The following REEP1 variants were observed in gnomAD, a reference collection of about 807,000 sequenced individuals.
REEP1 encodes receptor accessory protein 1, also known as receptor expression-enhancing protein 1.
In REEP1, 22 loss-of-function variants were observed where a neutral mutation model predicts 40.3. The ratio of observed to expected loss-of-function variants is 0.55; its 90% CI spans 0.39 to 0.78. The LOEUF (loss-of-function observed/expected upper bound fraction) is 0.78. REEP1 is among the 30% of genes least tolerant of loss of function. The pLI, the probability that REEP1 is intolerant of heterozygous loss-of-function variation, is 0.00. For missense variants in REEP1, 280 were observed against 361.1 expected, an observed-to-expected ratio of 0.78 and a Z score of 1.82; for synonymous variants, 116 against 139.2, an observed-to-expected ratio of 0.83 and a Z score of 1.17.
At chr2:86,333,737 T>G (rs1680877498) in intron 1 of REEP1, among the ~76,000 whole-genome samples, 1 of 152,216 alleles carries the variant, frequency 6.6e-6, no homozygotes, top group African/African-American at 2.4e-5. Flanking sequence ...AGTTTGAAAT[T>G]CATTCATGCC....
intron 6 of REEP1, among the ~76,000 whole-genome samples, chr2:86,230,436 A>G (rs1674947922): frequency 6.6e-6 from 1 of 152,182 alleles, no homozygotes; most frequent in Non-Finnish European, 1.5e-5. Flanking sequence ...CTAAAATGGC[A>G]ACACAGACTC....
At chr2:86,251,526 C>T in intron 5 of REEP1, 1 of 260,242 alleles carries the variant, frequency 3.8e-6, no homozygotes, top group Non-Finnish European at 7.5e-6. Context: ...GTAGTCTCTC[C>T]ACCTGTCCAC....
intron 1 of REEP1, among the ~76,000 whole-genome samples, chr2:86,290,153 C>A (rs192420916): frequency 7.9e-5 from 12 of 152,092 alleles, no homozygotes; most frequent in African/African-American, 2.9e-4. Flanking sequence ...TGCACCACCA[C>A]GCCCAGCTGA....
intron 1 of REEP1, among the ~76,000 whole-genome samples, chr2:86,286,247 G>A (rs1424879178): frequency 3.3e-5 from 5 of 152,194 alleles, no homozygotes; most frequent in African/African-American, 1.2e-4. Flanking sequence ...CTGATGCAGT[G>A]GTTCCCCACT....
intron 1 of REEP1, among the ~76,000 whole-genome samples, chr2:86,331,411 A>G (rs1680754671): frequency 6.6e-6 from 1 of 152,220 alleles, no homozygotes; most frequent in African/African-American, 2.4e-5. Flanking sequence ...CTAGTTTTGC[A>G]GCCCAAAGTA....
At chr2:86,320,359 C>T (rs563804941) in intron 1 of REEP1, among the ~76,000 whole-genome samples, 1 of 152,252 alleles carries the variant, frequency 6.6e-6, no homozygotes, top group African/African-American at 2.4e-5. Context: ...CCCTAGACAC[C>T]TAACCGAAGC....
intron 1 of REEP1, among the ~76,000 whole-genome samples, chr2:86,282,868 C>G (rs1678173845): frequency 6.6e-6 from 1 of 152,168 alleles, no homozygotes; most frequent in African/African-American, 2.4e-5. Context: ...TGCGTTGGGT[C>G]ACTAAATGAT....
At chr2:86,267,047 A>C (rs866476648) in intron 2 of REEP1, among the ~76,000 whole-genome samples, 2 of 151,374 alleles carry the variant, frequency 1.3e-5, no homozygotes, top group South Asian at 2.1e-4. Context: ...AAACTAAAAA[A>C]TTTACTGGGA....
chr2:86,313,186 T>C lies in REEP1; in HGVS notation c.32+24293A>G, dbSNP rs555758318. Among the ~76,000 whole-genome samples the C allele has an allele frequency of 2.7e-4, 41 of 152,196 alleles. 1 individual carries two copies. The highest frequency in any genetic ancestry group is 9.9e-4 in the African/African-American group (41 of 41,526). On this transcript the variant is annotated intron_variant, in intron 1 of 8. Coordinates refer to ENST00000538924, the MANE Select transcript of REEP1 (RefSeq NM_001371279.1). ...GTGCAGTGGCACAATCACAGCTCAC[T>C]GCAGCCTCAACCACCTGGGCTCAAG...
intron 5 of REEP1, among the ~76,000 whole-genome samples, chr2:86,236,630 G>A (rs1269192981): frequency 3.3e-5 from 5 of 152,040 alleles, no homozygotes; most frequent in African/African-American, 9.7e-5. Context: ...GGGCAACATA[G>A]GTAGATCCCG....
intron 1 of REEP1, among the ~76,000 whole-genome samples, chr2:86,304,122 A>C (rs1187812249): frequency 6.6e-6 from 1 of 152,148 alleles, no homozygotes; most frequent in Non-Finnish European, 1.5e-5. Context: ...CTGTGAAGGG[A>C]ACCAGAGAGT....
At chr2:86,252,205 C>T (rs936381586) in intron 4 of REEP1, 135 bp from the exon 5 acceptor site, 1 of 727,832 alleles carries the variant, frequency 1.4e-6, no homozygotes, top group Non-Finnish European at 2.5e-6. Flanking sequence ...GCTGTAGGCA[C>T]TTTGAAGGTG....
At chr2:86,308,040 G>A (rs1679584887) in intron 1 of REEP1, among the ~76,000 whole-genome samples, 1 of 152,138 alleles carries the variant, frequency 6.6e-6, no homozygotes, top group Admixed American at 6.5e-5. Flanking sequence ...GGGTTGTCAG[G>A]CATTCCCTAT....
intron 3 of REEP1, 54 bp from the exon 4 acceptor site, chr2:86,254,868 T>C: frequency 6.2e-7 from 1 of 1,601,638 alleles, no homozygotes; most frequent in Non-Finnish European, 8.5e-7. Context: ...AACACTGCCC[T>C]TTTGAAGGAT....
intron 2 of REEP1, among the ~76,000 whole-genome samples, chr2:86,265,911 C>A (rs1158834772): frequency 6.6e-6 from 1 of 152,116 alleles, no homozygotes; most frequent in East Asian, 1.9e-4. Flanking sequence ...CGTAACAAAC[C>A]TGCACTTGTA....
intron 1 of REEP1, among the ~76,000 whole-genome samples, chr2:86,312,383 G>A (rs994341219): frequency 6.6e-6 from 1 of 152,136 alleles, no homozygotes; most frequent in Non-Finnish European, 1.5e-5. Flanking sequence ...GCGTTTCAAC[G>A]ATTCTTCCTG....
intron 2 of REEP1, among the ~76,000 whole-genome samples, chr2:86,268,961 C>T (rs1677294191): frequency 6.6e-6 from 1 of 152,124 alleles, no homozygotes; most frequent in Non-Finnish European, 1.5e-5. Context: ...TAGGCACTGA[C>T]CTTACATCTT....
intron 1 of REEP1, among the ~76,000 whole-genome samples, chr2:86,325,124 T>C (rs1680446431): frequency 6.6e-6 from 1 of 152,140 alleles, no homozygotes. Flanking sequence ...GGCTCACACC[T>C]ATAATCCCAG....
chr2:86,228,561 C>A (rs1457832921), intron 6 of REEP1, among the ~76,000 whole-genome samples: 6 of 151,978 alleles, frequency 3.9e-5, no homozygotes, highest in African/African-American at 1.4e-4. Flanking sequence ...CGGGTTCAAG[C>A]AATTCTCCAG....
Sources: allele counts gnomAD v4.1 joint callset (sites outside exome capture counted in the v4.1 genomes callset), GRCh38; gene constraint gnomAD v4.1.1; transcripts MANE v1.5; gene names NCBI Gene and HGNC (gene_info 2026-07-23, HGNC 2026-07-21).